Variants in SUMF2 observed in about 807,000 individuals in gnomAD.
SUMF2 encodes the protein inactive C-alpha-formylglycine-generating enzyme 2.
SUMF2 carries 45 observed loss-of-function variants against 44.8 expected under a neutral mutation model. The ratio of observed to expected loss-of-function variants is 1.00; its 90% confidence interval spans 0.79 to 1.29. The LOEUF is 1.29. Ranked by LOEUF, SUMF2 falls within the 50% of genes most tolerant of loss-of-function variation. The pLI, the probability that SUMF2 is intolerant of heterozygous loss-of-function variation, is 0.00. For missense variants in SUMF2, 418 were observed against 389.9 expected, an observed-to-expected ratio of 1.07 and a Z score of -0.61; for synonymous variants, 148 against 150.4, an observed-to-expected ratio of 0.98 and a Z score of 0.12.
downstream of SUMF2, chr7:56,081,371 G>T (rs572453738): frequency 1.2e-4 from 185 of 1,511,534 alleles, no homozygotes; most frequent in African/African-American, 1.5e-3. This position sits in a 1 kb window ranked among gnomAD's most constrained non-coding sequence, Gnocchi z 4.6. Context: ...GCACAGGGAC[G>T]CTCTGGGCTC....
chr7:56,067,239 G>C (rs1007630980), intron 1 of SUMF2, among the ~76,000 whole-genome samples: 41 of 152,188 alleles, frequency 2.7e-4, no homozygotes, highest in African/African-American at 8.9e-4. Context: ...GACTTGTGTA[G>C]AGGAAGAAAG....
At chr7:56,080,866 G>T, downstream of SUMF2, 1 of 671,458 alleles carries the variant, frequency 1.5e-6, no homozygotes, top group Non-Finnish European at 2.5e-6. Flanking sequence ...GTATTGCTGT[G>T]TGGTGGGAAC....
chr7:56,085,442 T>G (rs140739169), downstream of SUMF2, among the ~76,000 whole-genome samples: 17 of 152,330 alleles, frequency 1.1e-4, no homozygotes, highest in Middle Eastern at 6.8e-3. Context: ...CTTTGTATTG[T>G]TCACATTTGA....
At chr7:56,074,084 G>C (rs1795367363) in intron 3 of SUMF2, 90 bp from the exon 4 acceptor site, 1 of 1,050,868 alleles carries the variant, frequency 9.5e-7, no homozygotes, top group Admixed American at 1.7e-5. Flanking sequence ...GTCTCAGCCT[G>C]ACGTCTCTGT....
chr7:56,085,758 A>G, the SUMF2 span, among the ~76,000 whole-genome samples: 1 of 152,060 alleles, frequency 6.6e-6, no homozygotes, highest in Non-Finnish European at 1.5e-5. Context: ...TGAGGTCAGG[A>G]GTTCGAGACC....
At chr7:56,081,284 C>G (rs201221003), downstream of SUMF2, 1 of 1,609,932 alleles carries the variant, frequency 6.2e-7, no homozygotes, top group Non-Finnish European at 8.5e-7. This position sits in a 1 kb window ranked among gnomAD's most constrained non-coding sequence, Gnocchi z 4.6. Context: ...GAAGCCAGCA[C>G]GGTCAGAGCG....
At chr7:56,083,774 T>C, downstream of SUMF2, 1 of 1,210,982 alleles carries the variant, frequency 8.3e-7, no homozygotes. Context: ...GCCCTTACCC[T>C]GCTCCCAGAG....
chr7:56,078,649 C>T (rs1404548918), intron 8 of SUMF2, 141 bp downstream of exon 8: 59 of 1,078,356 alleles, frequency 5.5e-5, no homozygotes, highest in Non-Finnish European at 6.7e-5. Context: ...TGAGCCTGTG[C>T]CCAGTTGTGG....
intron 2 of SUMF2, among the ~76,000 whole-genome samples, 176 bp from the exon 3 acceptor site, chr7:56,072,821 G>A (rs1795267943): frequency 6.6e-6 from 1 of 152,172 alleles, no homozygotes; most frequent in Admixed American, 6.5e-5. Flanking sequence ...ATGTGAATTC[G>A]TTGTATTCTA....
chr7:56,081,979 T>C, downstream of SUMF2: 1 of 1,613,920 alleles, frequency 6.2e-7, no homozygotes, highest in Non-Finnish European at 8.5e-7. This position sits in a 1 kb window ranked among gnomAD's most constrained non-coding sequence, Gnocchi z 4.6. Context: ...AGCATCAGCA[T>C]CTGCTTCCGG....
chr7:56,080,927 C>T, downstream of SUMF2: 1 of 1,141,812 alleles, frequency 8.8e-7, no homozygotes, highest in East Asian at 2.5e-5. Context: ...GCCTCAGTTC[C>T]AGGGGTTCCT....
intron 1 of SUMF2, among the ~76,000 whole-genome samples, chr7:56,065,757 C>G (rs1340657629): frequency 2.0e-5 from 3 of 151,972 alleles, no homozygotes; most frequent in Non-Finnish European, 2.9e-5. Flanking sequence ...CAGGATGATC[C>G]GTTTTTTCCC....
chr7:56,069,055 G>A (rs1380391822), intron 2 of SUMF2, among the ~76,000 whole-genome samples: 8 of 151,938 alleles, frequency 5.3e-5, no homozygotes, highest in African/African-American at 1.9e-4. Context: ...TCACTGTCAC[G>A]TGTCATCTTT....
chr7:56,064,881 TC>T (rs1794651005), intron 1 of SUMF2, among the ~76,000 whole-genome samples: 1 of 25,172 alleles, frequency 4.0e-5, no homozygotes, highest in East Asian at 1.8e-3. Flanking sequence ...ATACTTTATC[TC>T]AAAAAAAAAA....
At chr7:56,072,154 T>C (rs1333723609) in intron 2 of SUMF2, among the ~76,000 whole-genome samples, 1 of 146,844 alleles carries the variant, frequency 6.8e-6, no homozygotes, top group African/African-American at 2.5e-5. Context: ...GGCCAAGTGT[T>C]GTGCCTCACA....
At chr7:56,085,337 A>G (rs752556681), downstream of SUMF2, among the ~76,000 whole-genome samples, 8 of 152,076 alleles carry the variant, frequency 5.3e-5, no homozygotes, top group African/African-American at 1.9e-4. Flanking sequence ...GCCTCAAGCA[A>G]TCCTCCCACC....
At position 56,068,704 on chromosome 7, in the gene SUMF2, T is replaced by C. The variant is rs191045529; in HGVS notation, c.224+66T>C. The stretch of plus-strand genomic sequence containing the variant: ...TAATCTCATTCTTTTTTCTTTCTTT[T>C]TTTTTTTTTTGTTTTTTGAGACTGA... On this transcript the variant is annotated intron_variant, in intron 2 of 8. Coordinates refer to ENST00000434526, the MANE Select transcript of SUMF2 (RefSeq NM_015411.4). The C allele has an allele frequency of 1.4e-5, 22 of 1,538,698 alleles. No homozygotes were observed. In the Admixed American group the frequency reaches 2.8e-4, roughly 20 times the overall value.
At chr7:56,072,942 G>A in intron 2 of SUMF2, 55 bp from the exon 3 acceptor site, 6 of 1,333,864 alleles carry the variant, frequency 4.5e-6, no homozygotes, top group South Asian at 1.2e-5. Flanking sequence ...AGCAGGAGAA[G>A]ATGGGGTGGG....
chr7:56,087,821 A>T, the SUMF2 span: 3 of 1,519,778 alleles, frequency 2.0e-6, no homozygotes, highest in Middle Eastern at 1.7e-4. Flanking sequence ...CCCTCACCCC[A>T]TGGGGGGTCC....
Sources: gnomAD v4.1 joint callset for allele counts (sites outside exome capture counted in the v4.1 genomes callset) on GRCh38, gnomAD v4.1.1 for gene constraint, Gnocchi (gnomAD v3.1) non-coding constraint, MANE v1.5 for transcripts, NCBI Gene and HGNC (gene_info 2026-07-23, HGNC 2026-07-21) for gene names.